Variants in SLC25A18 observed in about 807,000 individuals in gnomAD.
SLC25A18 encodes mitochondrial glutamate carrier 2.
In SLC25A18, 24 loss-of-function variants were observed where a neutral mutation model predicts 31.1. That is an observed-to-expected ratio of 0.77 (90% CI 0.56 to 1.08). The LOEUF is 1.08. Ranked by LOEUF, SLC25A18 falls within the 50% of genes least tolerant of loss-of-function variation. The pLI, the probability that SLC25A18 is intolerant of heterozygous loss-of-function variation, is 0.00. For synonymous variants in SLC25A18, 173 were observed against 161.9 expected, an observed-to-expected ratio of 1.07 and a Z score of -0.52; for missense variants, 371 against 418.5, an observed-to-expected ratio of 0.89 and a Z score of 0.99.
Position 17,587,997 on chromosome 22 carries a change from C to T in SLC25A18, c.648C>T (p.Ala216=), listed in dbSNP as rs145109774. Residue 216 remains alanine, a synonymous_variant, in exon 9 of 11, where the codon GCC becomes GCT. Transcript: ENST00000327451. ...NLNNLGFNEL[A]GKASFAHSFV... ...ACAACCTGGGGTTCAACGAGCTCGC[C>T]GGTAAGGCGTCCTTTGCACATTCCT... is the stretch of plus-strand genomic sequence containing the variant. 9.8e-5 allele frequency: 159 copies of T among 1,614,216 alleles called. 3 individuals carry two copies. In the South Asian group the frequency reaches 1.3e-3, roughly 13 times the overall value.
chr22:17,588,176 A>G (rs2057609054), intron 9 of SLC25A18, 97 bp downstream of exon 9: 2 of 1,454,522 alleles, frequency 1.4e-6, no homozygotes, highest in Non-Finnish European at 1.9e-6. Flanking sequence ...CTGGGTTGCA[A>G]TCTGGCTGCT....
chr22:17,568,574 T>G (rs1386116263), intron 1 of SLC25A18, among the ~76,000 whole-genome samples: 3 of 127,260 alleles, frequency 2.4e-5, no homozygotes, highest in African/African-American at 8.9e-5. Context: ...TTTTTTTTTT[T>G]TTTTTTTGAG....
intron 1 of SLC25A18, among the ~76,000 whole-genome samples, chr22:17,568,336 C>T (rs1471363251): frequency 6.9e-6 from 1 of 144,640 alleles, no homozygotes; most frequent in Non-Finnish European, 1.5e-5. Flanking sequence ...CACTGCCCTC[C>T]AGCCTGGGTG....
At chr22:17,579,461 C>A (rs150979087) in intron 2 of SLC25A18, among the ~76,000 whole-genome samples, 3 of 152,160 alleles carry the variant, frequency 2.0e-5, no homozygotes, top group Non-Finnish European at 1.5e-5. Flanking sequence ...TCTTAAAATC[C>A]TTTCCATCCC....
intron 1 of SLC25A18, among the ~76,000 whole-genome samples, chr22:17,564,339 G>T (rs369475138): frequency 1.3e-5 from 2 of 152,090 alleles, no homozygotes; most frequent in African/African-American, 4.8e-5. Flanking sequence ...TGCAGATTTT[G>T]GCATCCCGCC....
chr22:17,590,080 C>G lies in SLC25A18; in HGVS notation c.807-15C>G. Reference sequence around the variant, plus strand: ...GCCCCTGCCCATCAGCTCACTGGCTCTTCTTTCTCCCCAGGAAACTCTGGA... The same window carrying G: ...GCCCCTGCCCATCAGCTCACTGGCTGTTCTTTCTCCCCAGGAAACTCTGGA... On this transcript the variant is annotated splice_polypyrimidine_tract_variant and intron_variant, in intron 10 of 10. Coordinates refer to ENST00000327451, the MANE Select transcript of SLC25A18 (RefSeq NM_031481.3). 2 of 1,613,648 alleles carry G rather than the reference C, an allele frequency of 1.2e-6. No individual in the cohort carries two copies. Among genetic ancestry groups the G allele is most frequent in the South Asian group, 1.1e-5 (1 of 91,062 alleles).
At chr22:17,574,892 C>T (rs1040723904) in intron 2 of SLC25A18, among the ~76,000 whole-genome samples, 2 of 134,916 alleles carry the variant, frequency 1.5e-5, no homozygotes, top group Admixed American at 8.0e-5. Flanking sequence ...CGCTCTGTCG[C>T]CCAGGCTAGA....
intron 1 of SLC25A18, 113 bp downstream of exon 1, chr22:17,563,826 T>A: frequency 6.9e-6 from 4 of 580,412 alleles, no homozygotes; most frequent in Non-Finnish European, 8.7e-6. Context: ...ACCTGTATTG[T>A]GAATACAGAA....
chr22:17,587,674 T>C (rs2057589766), intron 8 of SLC25A18, among the ~76,000 whole-genome samples: 1 of 152,218 alleles, frequency 6.6e-6, no homozygotes, highest in Admixed American at 6.5e-5. Context: ...CGCCTCGGAC[T>C]TGCCTCTGGC....
chr22:17,581,197 C>T, intron 4 of SLC25A18, 38 bp downstream of exon 4: 1 of 1,571,922 alleles, frequency 6.4e-7, no homozygotes. Flanking sequence ...GCAGAGGCGC[C>T]CGGGGGAGGG....
At chr22:17,589,405 T>A (rs531342790) in intron 9 of SLC25A18, among the ~76,000 whole-genome samples, 185 bp from the exon 10 acceptor site, 1 of 152,180 alleles carries the variant, frequency 6.6e-6, no homozygotes, top group Admixed American at 6.5e-5. Flanking sequence ...CTCAAACTCC[T>A]GACCTTGTGA....
chr22:17,568,681 C>T (rs936758475), intron 1 of SLC25A18, among the ~76,000 whole-genome samples: 3 of 146,416 alleles, frequency 2.0e-5, no homozygotes, highest in African/African-American at 7.5e-5. Flanking sequence ...CCTGCCTCAG[C>T]CTCCCGAGTA....
intron 2 of SLC25A18, among the ~76,000 whole-genome samples, chr22:17,572,799 G>A (rs1051989862): frequency 2.7e-5 from 4 of 149,770 alleles, no homozygotes; most frequent in South Asian, 2.1e-4. Flanking sequence ...CCGCCACCAC[G>A]CCCGGCTAAT....
At chr22:17,572,117 G>A (rs1270755966) in intron 2 of SLC25A18, among the ~76,000 whole-genome samples, 10 of 152,012 alleles carry the variant, frequency 6.6e-5, no homozygotes, top group Non-Finnish European at 1.3e-4. Flanking sequence ...AACCTGGGAG[G>A]CAGGGGTTGC....
At position 17,587,279 on chromosome 22, in the gene SLC25A18, G is replaced by A. The variant is rs1248957230; in HGVS notation, c.553G>A (p.Gly185Ser). The A allele has an allele frequency of 6.2e-7, 1 of 1,613,374 alleles. No homozygotes were observed. The highest frequency in any genetic ancestry group is 8.5e-7 in the Non-Finnish European group (1 of 1,179,928). ...TCAGGGCCTGGCTGGGCTCTACAGG[G>A]GCCTGGGTGCCACTCTCCTCAGGTG... ...RTQGLAGLYRGLGATLLRDIP... is the reference protein window; with the variant it reads ...RTQGLAGLYRSLGATLLRDIP... The change falls in exon 8 of 11, where the codon GGC (glycine) becomes AGC (serine). Residue 185 changes from glycine (G) to serine (S), a missense_variant. By Grantham distance (56) the Gly-to-Ser change is moderately conservative (BLOSUM62 0). Coordinates refer to ENST00000327451, the MANE Select transcript of SLC25A18 (RefSeq NM_031481.3).
At chr22:17,584,264 G>A (rs2057459380) in intron 7 of SLC25A18, among the ~76,000 whole-genome samples, 3 of 150,916 alleles carry the variant, frequency 2.0e-5, no homozygotes, top group Admixed American at 1.3e-4. Flanking sequence ...GTGGTGGCGG[G>A]CACCTGTAGT....
chr22:17,563,652 C>T lies in SLC25A18; in HGVS notation c.-325C>T, dbSNP rs2146193418. On this transcript the variant is annotated 5_prime_UTR_variant, in exon 1 of 11. Coordinates refer to ENST00000327451, the MANE Select transcript of SLC25A18 (RefSeq NM_031481.3). ...AGGCAGTGAGAAGAGTCGAGTGAAGCCTGGCCCGTGAGTGCCTCAACAACT... is the reference window on the plus strand; with the variant it reads ...AGGCAGTGAGAAGAGTCGAGTGAAGTCTGGCCCGTGAGTGCCTCAACAACT... 2 of 985,300 alleles carry T rather than the reference C, an allele frequency of 2.0e-6. No homozygotes were observed. Among genetic ancestry groups the T allele is most frequent in the African/African-American group, 1.7e-5 (1 of 57,342 alleles). The allele number at this position is 985,300 out of a possible 1,614,324, so 61.0% of individuals were successfully genotyped here. A position where few individuals can be genotyped will look rare whatever the true frequency, so the allele number is the denominator to read the frequency against.
chr22:17,587,165 C>A lies in SLC25A18; in HGVS notation c.439C>A (p.Pro147Thr). Residue 147 changes from proline (P) to threonine (T), a missense_variant, in exon 8 of 11, where the codon CCC becomes ACC. Pro to Thr is a conservative substitution (Grantham distance 38). Coordinates refer to ENST00000327451, the MANE Select transcript of SLC25A18 (RefSeq NM_031481.3). ...AVHHQGSASA[P>T]STSRSYTTGS... ...CCATCATCAGGGCTCGGCCTCAGCA[C>A]CCTCCACCTCCAGGTCCTACACAAC... is the stretch of plus-strand genomic sequence containing the variant. The A allele has an allele frequency of 1.2e-6, 2 of 1,614,110 alleles. No individual in the cohort carries two copies. The highest frequency in any genetic ancestry group is 2.2e-5 in the South Asian group (2 of 91,080).
intron 5 of SLC25A18, chr22:17,582,227 T>G (rs1056705316): frequency 1.8e-5 from 3 of 168,276 alleles, no homozygotes; most frequent in African/African-American, 7.2e-5. Context: ...CAAAAAAAAT[T>G]TAGCCGGGCG....
Sources: gnomAD v4.1 joint callset for allele counts (sites outside exome capture counted in the v4.1 genomes callset) on GRCh38, gnomAD v4.1.1 for gene constraint, MANE v1.5 for transcripts, NCBI Gene and HGNC (gene_info 2026-07-23, HGNC 2026-07-21) for gene names.